MAGEA1: variants seen among roughly 807,000 people sequenced by gnomAD.
MAGEA1 encodes MAGE family member A1.
For missense variants in MAGEA1, 182 were observed against 233.7 expected (o/e 0.78, Z 1.44); for synonymous variants, 101 against 96.7 (o/e 1.04, Z -0.26).
chrX:153,180,480 G>A lies in MAGEA1; in HGVS notation c.-139+1115G>A, dbSNP rs782103031. On this transcript the variant is annotated intron_variant, in intron 1 of 2. Coordinates refer to ENST00000356661, the MANE Select transcript of MAGEA1 (RefSeq NM_004988.5). ...GGCGGCCAGGCACTCGGATCTTGAC[G>A]TCCCCATCCAGGGCTGATGGAGGGA... Among the ~76,000 whole-genome samples, 10 of 111,568 alleles carry A rather than the reference G, an allele frequency of 9.0e-5. 1 individual carries two copies. The South Asian group carries it at 2.7e-3, about 30-fold the overall frequency.
chrX:153,182,148 C>G, intron 1 of MAGEA1, 29 bp from the exon 2 acceptor site: 1 of 681,576 alleles, frequency 1.5e-6, no homozygotes. Flanking sequence ...CCGGCTGTAC[C>G]CTGAGTACCC....
intron 1 of MAGEA1, among the ~76,000 whole-genome samples, chrX:153,181,465 G>A (rs1250593094): frequency 1.1e-4 from 12 of 111,574 alleles, no homozygotes; most frequent in African/African-American, 3.6e-4. Context: ...GGGCTGGGCC[G>A]TCTGCCGAGG....
Position 153,182,645 on chromosome X carries a change from G to C in MAGEA1, c.256G>C (p.Glu86Gln). The C allele has an allele frequency of 1.7e-6, 2 of 1,212,008 alleles. No individual in the cohort carries two copies. Among genetic ancestry groups the C allele is most frequent in the South Asian group, 1.8e-5 (1 of 56,996 alleles). Residue 86 changes from glutamate (E) to glutamine (Q), a missense_variant, in exon 3 of 3, where the codon GAG becomes CAG. Coordinates refer to ENST00000356661, the MANE Select transcript of MAGEA1 (RefSeq NM_004988.5). ...PSEGSSSREE[E>Q]GPSTSCILES... is the part of the protein sequence containing the mutation. ...TGAGGGTTCCAGCAGCCGTGAAGAG[G>C]AGGGGCCAAGCACCTCTTGTATCCT...
At chrX:153,180,467 C>G (rs2051487055) in intron 1 of MAGEA1, among the ~76,000 whole-genome samples, 1 of 111,585 alleles carries the variant, frequency 9.0e-6, no homozygotes, top group Admixed American at 9.5e-5. Context: ...CGGCCAGGCA[C>G]TCGGATCTTG....
intron 1 of MAGEA1, 92 bp from the exon 2 acceptor site, chrX:153,182,085 A>G (rs950114394): frequency 1.1e-5 from 4 of 379,747 alleles, no homozygotes; most frequent in Non-Finnish European, 9.3e-6. Flanking sequence ...AGGACTCCAC[A>G]GAGTCTGGCC....
chrX:153,179,931 G>A (rs781783515), intron 1 of MAGEA1, among the ~76,000 whole-genome samples: 3 of 109,555 alleles, frequency 2.7e-5, no homozygotes, highest in Non-Finnish European at 5.7e-5. Flanking sequence ...TGGATGGCCC[G>A]ATGTGAAACC....
rs189776280 is a variant in MAGEA1, at chrX:153,181,478, C to T, written c.-138-699C>T. ...ATGGGCTGGGCCGTCTGCCGAGGTC[C>T]TTCCGTTATCCTGGGATCATTGATG... On this transcript the variant is annotated intron_variant, in intron 1 of 2. Coordinates refer to ENST00000356661, the MANE Select transcript of MAGEA1 (RefSeq NM_004988.5). 2.5e-3 allele frequency among the ~76,000 whole-genome samples: 278 copies of T among 111,723 alleles called. 1 individual carries two copies. The highest frequency in any genetic ancestry group is 0.015 in the South Asian group (40 of 2,617).
intron 1 of MAGEA1, among the ~76,000 whole-genome samples, chrX:153,180,179 C>CG (rs1354694204): frequency 9.9e-5 from 11 of 111,156 alleles, no homozygotes; most frequent in Non-Finnish European, 1.7e-4. Flanking sequence ...GACCACCCCC[C>CG]GTCCCGTCCC....
rs782726763 is a variant in MAGEA1 at position 153,182,666 on chromosome X, A to T, written c.277A>T (p.Ile93Phe). The T allele has an allele frequency of 9.9e-6, 12 of 1,210,326 alleles. No individual in the cohort carries two copies. Among genetic ancestry groups the T allele is most frequent in the Non-Finnish European group, 7.8e-6 (7 of 895,265 alleles). Residue 93 changes from isoleucine to phenylalanine, a missense_variant, in exon 3 of 3, where the codon ATC becomes TTC. Coordinates refer to ENST00000356661, the MANE Select transcript of MAGEA1 (RefSeq NM_004988.5). ...REEEGPSTSCILESLFRAVIT... is the reference protein window; with the variant it reads ...REEEGPSTSCFLESLFRAVIT... ...AGAGGAGGGGCCAAGCACCTCTTGT[A>T]TCCTGGAGTCCTTGTTCCGAGCAGT... is the stretch of plus-strand genomic sequence containing the variant.
chrX:153,180,622 A>T (rs1391626546), intron 1 of MAGEA1, among the ~76,000 whole-genome samples: 2 of 111,238 alleles, frequency 1.8e-5, no homozygotes, highest in Non-Finnish European at 3.8e-5. Context: ...TGAGGCTGCC[A>T]CTTCTGGCCT....
rs1267841330 is a variant in MAGEA1, at chrX:153,182,364, T to C, written c.-26T>C. 1 of 1,185,220 alleles carries C rather than the reference T, an allele frequency of 8.4e-7. No individual in the cohort carries two copies. The highest frequency in any genetic ancestry group is 1.8e-5 in the African/African-American group (1 of 56,730). ...ATTGCCCAGCTCCTGCCCACACTCC[T>C]GCCTGCTGCCCTGACGAGAGTCATC... On this transcript the variant is annotated 5_prime_UTR_variant, in exon 3 of 3. Coordinates refer to ENST00000356661, the MANE Select transcript of MAGEA1 (RefSeq NM_004988.5).
intron 1 of MAGEA1, among the ~76,000 whole-genome samples, chrX:153,180,278 A>G (rs1435738619): frequency 5.4e-5 from 6 of 111,480 alleles, no homozygotes; most frequent in Non-Finnish European, 1.1e-4. Context: ...CCAGGCATCA[A>G]GGTCCAGGCA....
chrX:153,182,963 A>G lies in MAGEA1; in HGVS notation c.574A>G (p.Thr192Ala). Residue 192 changes from threonine (T) to alanine (A), a missense_variant, in exon 3 of 3, where the codon ACA becomes GCA. Transcript: ENST00000356661. ...GGGTGATAATCAGATCATGCCCAAGACAGGCTTCCTGATAATTGTCCTGGT... is the reference window on the plus strand; with the variant it reads ...GGGTGATAATCAGATCATGCCCAAGGCAGGCTTCCTGATAATTGTCCTGGT... ...LLGDNQIMPK[T>A]GFLIIVLVMI... 1 of 1,211,407 alleles carries G rather than the reference A, an allele frequency of 8.3e-7. No individual in the cohort carries two copies. Among genetic ancestry groups the G allele is most frequent in the Non-Finnish European group, 1.1e-6 (1 of 895,444 alleles).
chrX:153,181,444 C>T (rs934688167), intron 1 of MAGEA1, among the ~76,000 whole-genome samples: 4 of 111,662 alleles, frequency 3.6e-5, no homozygotes, highest in East Asian at 5.7e-4. Flanking sequence ...TGCTGTCACC[C>T]CAGAGAGCAT....
At chrX:153,181,638 A>T (rs1209208435) in intron 1 of MAGEA1, among the ~76,000 whole-genome samples, 1 of 111,307 alleles carries the variant, frequency 9.0e-6, no homozygotes, top group Admixed American at 9.5e-5. Flanking sequence ...ATGAATTTTG[A>T]TATCTCTTGC....
At chrX:153,180,147 G>T (rs1247549669) in intron 1 of MAGEA1, among the ~76,000 whole-genome samples, 2 of 110,816 alleles carry the variant, frequency 1.8e-5, no homozygotes, top group Non-Finnish European at 3.8e-5. Context: ...GGACCACCCG[G>T]CCAGGACAGA....
chrX:153,182,512 C>T lies in MAGEA1; in HGVS notation c.123C>T (p.Gly41=). 1.7e-6 allele frequency: 2 copies of T among 1,211,426 alleles called. No homozygotes were observed. The highest frequency in any genetic ancestry group is 2.2e-6 in the Non-Finnish European group (2 of 895,122). ...CCTCCTCCTCTCCTCTGGTCCTGGG[C>T]ACCCTGGAGGAGGTGCCCACTGCTG... The part of the protein sequence containing the change: ...ATSSSSPLVL[G]TLEEVPTAGS... Residue 41 remains glycine (G), a synonymous_variant, in exon 3 of 3, where the codon GGC becomes GGT. Transcript: ENST00000356661.
Position 153,183,376 on chromosome X carries a change from G to A in MAGEA1, c.*57G>A, listed in dbSNP as rs1162376493. On this transcript the variant is annotated 3_prime_UTR_variant, in exon 3 of 3. Coordinates refer to ENST00000356661, the MANE Select transcript of MAGEA1 (RefSeq NM_004988.5). ...GGACTGGGCCAGTGCACCTTCCAGG[G>A]CCGCGTCCAGCAGCTTCCCCTGCCT... The A allele has an allele frequency of 9.1e-7, 1 of 1,093,298 alleles. No homozygotes were observed. The highest frequency in any genetic ancestry group is 3.0e-5 in the East Asian group (1 of 33,212). 90.1% of individuals were successfully genotyped at this position (1,093,298 alleles called of 1,213,427 possible).
Position 153,182,260 on chromosome X carries a change from C to A in MAGEA1, c.-66+11C>A. 2 of 1,011,399 alleles carry A rather than the reference C, an allele frequency of 2.0e-6. No homozygotes were observed. Among genetic ancestry groups the A allele is most frequent in the Non-Finnish European group, 2.8e-6 (2 of 714,393 alleles). The allele number at this position is 1,011,399 out of a possible 1,213,427, so 83.4% of individuals were successfully genotyped here. ...CCAAGGAGAAGATCTGTAAGTAGGC[C>A]TTTGTTAGAGTCTCCAAGGTTCAGT... On this transcript the variant is annotated intron_variant, in intron 2 of 2. Transcript: ENST00000356661.
Sources: allele counts gnomAD v4.1 joint callset (sites outside exome capture counted in the v4.1 genomes callset), GRCh38; gene constraint gnomAD v4.1.1; transcripts MANE v1.5; gene names NCBI Gene and HGNC (gene_info 2026-07-23, HGNC 2026-07-21).